The following MEF2A variants were observed in gnomAD, a reference collection of about 807,000 sequenced individuals.
MEF2A encodes the protein myocyte-specific enhancer factor 2A.
MEF2A carries 28 observed loss-of-function variants against 55.8 expected under a neutral mutation model. The ratio of observed to expected loss-of-function variants is 0.50; its 90% confidence interval spans 0.37 to 0.69. The LOEUF is 0.69. MEF2A is among the 30% of genes least tolerant of loss of function. The pLI is 0.00. For missense variants in MEF2A, 528 were observed against 626.2 expected (o/e 0.84, Z 1.67); for synonymous variants, 239 against 227.1 (o/e 1.05, Z -0.47).
In MEF2A at chr15:99,701,332, C is replaced by T. The variant is rs530873545; in HGVS notation, c.859-2030C>T. 3.0e-4 allele frequency among the ~76,000 whole-genome samples: 46 copies of T among 152,238 alleles called. 1 individual carries two copies. In the South Asian group the frequency reaches 8.9e-3, roughly 30 times the overall value. ...TATCTGATTATGAATGAAAATCAGA[C>T]CCAAATTGAGAGACATTCTATAAGA... On this transcript the variant is annotated intron_variant, in intron 8 of 11. Transcript: ENST00000557942.
At position 99,568,628 on chromosome 15, in the gene MEF2A, G is replaced by C. The variant is rs57871745; in HGVS notation, c.-225+2524G>C. Among the ~76,000 whole-genome samples the C allele has an allele frequency of 7.5e-3, 1,143 of 152,256 alleles. 9 individuals are homozygous for C. The highest frequency in any genetic ancestry group is 0.027 in the African/African-American group (1,106 of 41,546). On this transcript the variant is annotated intron_variant, in intron 1 of 11. Coordinates refer to ENST00000557942, the MANE Select transcript of MEF2A (RefSeq NM_001319206.4). The stretch of plus-strand genomic sequence containing the variant: ...AATCTTTTCAGTAGATTTGTGTTCT[G>C]ATTTAGGAGGAAGAAGCCATGAACA...
chr15:99,647,281 C>T (rs2046115456), intron 4 of MEF2A, among the ~76,000 whole-genome samples: 1 of 152,006 alleles, frequency 6.6e-6, no homozygotes, highest in Non-Finnish European at 1.5e-5. Flanking sequence ...TGGAGAGTAA[C>T]CCTGTTGTGT....
At chr15:99,674,338 C>G in intron 5 of MEF2A, 55 bp from the exon 6 acceptor site, 1 of 1,487,374 alleles carries the variant, frequency 6.7e-7, no homozygotes, top group Non-Finnish European at 9.1e-7. Context: ...TCAAAAGTTA[C>G]TTTGTAGATG....
intron 1 of MEF2A, among the ~76,000 whole-genome samples, chr15:99,597,813 G>A (rs1403366481): frequency 1.3e-5 from 2 of 152,116 alleles, no homozygotes; most frequent in African/African-American, 4.8e-5. Context: ...GAATATTGGG[G>A]CAGATTCCCC....
intron 11 of MEF2A, 107 bp downstream of exon 11, chr15:99,710,867 T>A: frequency 7.9e-7 from 1 of 1,263,594 alleles, no homozygotes. Flanking sequence ...AGGAATCCTG[T>A]AATGATTCCT....
intron 2 of MEF2A, among the ~76,000 whole-genome samples, chr15:99,622,702 C>CTTTTTTTTTTTTTTTTTTTTTTTTTT (rs56054040): frequency 1.5e-5 from 2 of 135,700 alleles, no homozygotes; most frequent in Non-Finnish European, 3.1e-5. Context: ...GTTTTCTTTT[C>CTTTTTTTTTTTTTTTTTTTTTTTTTT]TTTTTTTTTT....
intron 2 of MEF2A, among the ~76,000 whole-genome samples, chr15:99,599,661 T>A (rs1972339243): frequency 6.6e-6 from 1 of 152,158 alleles, no homozygotes; most frequent in Non-Finnish European, 1.5e-5. Context: ...TGATGCAAAG[T>A]ACCTTCAGTT....
At chr15:99,642,737 A>G (rs1473699518) in intron 3 of MEF2A, among the ~76,000 whole-genome samples, 1 of 152,116 alleles carries the variant, frequency 6.6e-6, no homozygotes, top group Non-Finnish European at 1.5e-5. Context: ...TGGGCTTCTG[A>G]TACTTGTGAA....
At chr15:99,636,325 G>C (rs2043829612) in intron 3 of MEF2A, among the ~76,000 whole-genome samples, 1 of 151,972 alleles carries the variant, frequency 6.6e-6, no homozygotes, top group Non-Finnish European at 1.5e-5. Context: ...CTAAAACTAT[G>C]GCTTGCCTTT....
At chr15:99,701,823 C>T (rs2057421670) in intron 8 of MEF2A, among the ~76,000 whole-genome samples, 1 of 152,236 alleles carries the variant, frequency 6.6e-6, no homozygotes, top group Non-Finnish European at 1.5e-5. Flanking sequence ...ATATGCAATA[C>T]TTGCTACTGT....
At chr15:99,636,154 T>C (rs1031115675) in intron 3 of MEF2A, among the ~76,000 whole-genome samples, 1 of 152,206 alleles carries the variant, frequency 6.6e-6, no homozygotes, top group Non-Finnish European at 1.5e-5. Context: ...GTGCTCACTT[T>C]TTCATATTTT....
At chr15:99,635,031 T>C (rs1023123636) in intron 3 of MEF2A, among the ~76,000 whole-genome samples, 9 of 152,342 alleles carry the variant, frequency 5.9e-5, no homozygotes, top group African/African-American at 1.9e-4. Flanking sequence ...ACTGTATCTT[T>C]GCAGAAGAAA....
At chr15:99,649,157 T>G (rs1049076679) in intron 4 of MEF2A, among the ~76,000 whole-genome samples, 10 of 152,278 alleles carry the variant, frequency 6.6e-5, no homozygotes, top group Admixed American at 6.5e-4. Context: ...TTTTTTTAAT[T>G]TGTACTTACA....
chr15:99,594,214 C>A (rs1219871891), intron 1 of MEF2A, among the ~76,000 whole-genome samples: 1 of 152,206 alleles, frequency 6.6e-6, no homozygotes, highest in East Asian at 1.9e-4. Flanking sequence ...ATCAGGGGTT[C>A]TCACTACCCC....
chr15:99,703,456 AT>A, intron 9 of MEF2A, 71 bp downstream of exon 9: 1 of 1,482,178 alleles, frequency 6.7e-7, no homozygotes, highest in African/African-American at 1.4e-5. Flanking sequence ...ACGTGTTGTT[AT>A]CTAACCAATG....
intron 4 of MEF2A, among the ~76,000 whole-genome samples, chr15:99,652,056 T>A (rs991317299): frequency 3.9e-5 from 6 of 152,176 alleles, no homozygotes; most frequent in Non-Finnish European, 8.8e-5. Flanking sequence ...CAGAAGATAT[T>A]TGATGCTTTG....
intron 4 of MEF2A, among the ~76,000 whole-genome samples, chr15:99,660,370 T>A (rs1369719325): frequency 6.6e-6 from 1 of 152,176 alleles, no homozygotes; most frequent in East Asian, 1.9e-4. Context: ...TAGCCTCCCC[T>A]GTGGTTAGGA....
At chr15:99,582,855 A>T (rs1432372538) in intron 1 of MEF2A, among the ~76,000 whole-genome samples, 1 of 152,086 alleles carries the variant, frequency 6.6e-6, no homozygotes, top group Non-Finnish European at 1.5e-5. Flanking sequence ...AGTAATTTAT[A>T]ATTGCCACAA....
intron 7 of MEF2A, among the ~76,000 whole-genome samples, chr15:99,687,376 T>C (rs1401126360): frequency 6.6e-6 from 1 of 152,164 alleles, no homozygotes; most frequent in Non-Finnish European, 1.5e-5. Context: ...GGTGTGTGTG[T>C]GTATTTGTAA....
Sources: gnomAD v4.1 joint callset for allele counts (sites outside exome capture counted in the v4.1 genomes callset) on GRCh38, gnomAD v4.1.1 for gene constraint, MANE v1.5 for transcripts, NCBI Gene and HGNC (gene_info 2026-07-23, HGNC 2026-07-21) for gene names.